Variants in NSUN4 observed in about 807,000 individuals in gnomAD.
The protein encoded by NSUN4 is NOP2/Sun RNA methyltransferase 4.
Under a neutral mutation model 43.8 loss-of-function variants are expected in NSUN4, and 31 were observed. The ratio of observed to expected loss-of-function variants is 0.71; its 90% CI spans 0.53 to 0.96. NSUN4 has a LOEUF of 0.96. NSUN4 is among the 40% of genes least tolerant of loss of function. The pLI, the probability that NSUN4 is intolerant of heterozygous loss-of-function variation, is 0.00. For missense variants in NSUN4, 439 were observed against 475.6 expected (o/e 0.92, Z 0.72); for synonymous variants, 167 against 184.1 (o/e 0.91, Z 0.75).
chr1:46,348,299 C>T (rs188522619), intron 3 of NSUN4, among the ~76,000 whole-genome samples: 104 of 152,326 alleles, frequency 6.8e-4, no homozygotes, highest in African/African-American at 2.5e-3. Context: ...TCCTTACGAC[C>T]TCTGCTGGCC....
intron 4 of NSUN4, among the ~76,000 whole-genome samples, chr1:46,359,765 C>T (rs1053971307): frequency 1.3e-5 from 2 of 151,898 alleles, no homozygotes; most frequent in Admixed American, 6.6e-5. Context: ...CCACCACGCC[C>T]GGCTAATTAA....
At chr1:46,367,369 CATT>C (rs1664160289), downstream of NSUN4, among the ~76,000 whole-genome samples, 1 of 152,224 alleles carries the variant, frequency 6.6e-6, no homozygotes, top group African/African-American at 2.4e-5. Flanking sequence ...TTACTTACAT[CATT>C]GTTTCTTACT....
the NSUN4 span, among the ~76,000 whole-genome samples, chr1:46,373,357 A>C: frequency 6.6e-6 from 1 of 152,162 alleles, no homozygotes; most frequent in African/African-American, 2.4e-5. Flanking sequence ...CCCACTCCTC[A>C]ACACCAATCT....
the NSUN4 span, among the ~76,000 whole-genome samples, chr1:46,378,395 T>A: frequency 6.6e-6 from 1 of 152,030 alleles, no homozygotes; most frequent in Non-Finnish European, 1.5e-5. Context: ...CGAGGTTTCA[T>A]CATGCTGAAC....
At chr1:46,347,539 C>G (rs955486916) in intron 3 of NSUN4, among the ~76,000 whole-genome samples, 6 of 152,230 alleles carry the variant, frequency 3.9e-5, no homozygotes, top group African/African-American at 1.2e-4. Flanking sequence ...ATTAGTTCCT[C>G]TCTTTCTCTG....
intron 4 of NSUN4, among the ~76,000 whole-genome samples, chr1:46,354,747 T>C (rs6682266): frequency 0.22 from 34,033 of 151,912 alleles, 4,286 homozygotes; most frequent in Non-Finnish European, 0.29. Flanking sequence ...CTCCGCCTCC[T>C]GGGTTCAAGC....
chr1:46,347,859 C>T (rs377023358), intron 3 of NSUN4, among the ~76,000 whole-genome samples: 32 of 143,150 alleles, frequency 2.2e-4, no homozygotes, highest in Non-Finnish European at 4.9e-4. Flanking sequence ...TTTTGACTTT[C>T]TTTTTTTTTT....
rs768187823 is a variant in NSUN4 at position 46,347,053 on chromosome 1, G to T, written c.570G>T (p.Ala190=). Residue 190 remains alanine (A), a synonymous_variant, in exon 3 of 6, where the codon GCG becomes GCT. Transcript: ENST00000474844. ...LCAAPGGKTL[A]LLQTGCCRNL... Reference sequence around the variant, plus strand: ...CAGCTCCTGGGGGAAAGACACTAGCGTTGCTTCAGACTGGCTGTTGCCGTA... The same window carrying T: ...CAGCTCCTGGGGGAAAGACACTAGCTTTGCTTCAGACTGGCTGTTGCCGTA... The T allele has an allele frequency of 6.2e-7, 1 of 1,613,934 alleles. No individual in the cohort carries two copies. The highest frequency in any genetic ancestry group is 8.5e-7 in the Non-Finnish European group (1 of 1,179,986).
chr1:46,346,551 CAAA>C (rs10653801), intron 2 of NSUN4, among the ~76,000 whole-genome samples: 2 of 82,596 alleles, frequency 2.4e-5, no homozygotes, highest in Non-Finnish European at 4.4e-5. Flanking sequence ...GACTGTGTCT[CAAA>C]AAAAAAAAAA....
At chr1:46,345,276 G>A (rs370710644) in intron 2 of NSUN4, 132 bp downstream of exon 2, 16 of 666,014 alleles carry the variant, frequency 2.4e-5, no homozygotes, top group African/African-American at 2.2e-4. Context: ...TACAGACTAG[G>A]CATTTTTTTG....
chr1:46,361,445 G>T, intron 5 of NSUN4, 125 bp from the exon 6 acceptor site: 1 of 815,758 alleles, frequency 1.2e-6, no homozygotes, highest in Non-Finnish European at 1.9e-6. Flanking sequence ...AGGGACTTGA[G>T]AGGCAGTCTA....
intron 4 of NSUN4, among the ~76,000 whole-genome samples, chr1:46,354,167 T>G (rs1663204343): frequency 6.6e-6 from 1 of 151,772 alleles, no homozygotes. Flanking sequence ...AGTACAGTGG[T>G]GTGAACACGG....
rs990115746 is a variant in NSUN4, at chr1:46,341,264, C to T, written c.93+345C>T. On this transcript the variant is annotated intron_variant, in intron 1 of 5. Coordinates refer to ENST00000474844, the MANE Select transcript of NSUN4 (RefSeq NM_199044.4). ...CCTTTTACTTCCCTCCCTCCCCTCC[C>T]CCTTTCCCTTGCCCATTCTTCCCCC... 7.8e-6 allele frequency: 8 copies of T among 1,023,756 alleles called. No homozygotes were observed. The Admixed American group carries it at 3.1e-4, about 40-fold the overall frequency. 63.4% of individuals were successfully genotyped at this position (1,023,756 alleles called of 1,614,324 possible). A position where few individuals can be genotyped will look rare whatever the true frequency, so the allele number is the denominator to read the frequency against.
At chr1:46,376,856 C>A in the NSUN4 span, among the ~76,000 whole-genome samples, 2 of 151,890 alleles carry the variant, frequency 1.3e-5, no homozygotes, top group Non-Finnish European at 2.9e-5. Flanking sequence ...CTCACAGATT[C>A]CAGCAATTCT....
At position 46,361,774 on chromosome 1, in the gene NSUN4, G is replaced by A; in HGVS notation, c.1083G>A (p.Gly361=). 1 of 1,614,170 alleles carries A rather than the reference G, an allele frequency of 6.2e-7. No individual in the cohort carries two copies. Among genetic ancestry groups the A allele is most frequent in the Non-Finnish European group, 8.5e-7 (1 of 1,180,028 alleles). The part of the protein sequence containing the change: ...TFCFFSSCQV[G]ELVIPNLMAN... ...GTTTCTTCTCATCCTGTCAGGTTGG[G>A]GAGCTGGTAATACCAAACCTCATGG... Residue 361 remains glycine, a synonymous_variant, in exon 6 of 6, where the codon GGG becomes GGA. Transcript: ENST00000474844.
chr1:46,352,650 T>C (rs1425295420), intron 3 of NSUN4, among the ~76,000 whole-genome samples: 2 of 152,154 alleles, frequency 1.3e-5, no homozygotes, highest in Non-Finnish European at 2.9e-5. Context: ...CTTTATTCAT[T>C]GACTTAAATA....
At chr1:46,378,981 A>G in the NSUN4 span, among the ~76,000 whole-genome samples, 2 of 152,218 alleles carry the variant, frequency 1.3e-5, no homozygotes, top group African/African-American at 4.8e-5. Context: ...TCCTTCCACT[A>G]CTTTCCATTG....
rs1663927604 is a variant in NSUN4 at position 46,362,152 on chromosome 1, A to G, written c.*306A>G. On this transcript the variant is annotated 3_prime_UTR_variant, in exon 6 of 6. Transcript: ENST00000474844. Reference sequence around the variant, plus strand: ...AGCAGGCTCACACTAAGTTGTAAACATAGGAGAAGCATTTGGCCAATAAAG... The same window carrying G: ...AGCAGGCTCACACTAAGTTGTAAACGTAGGAGAAGCATTTGGCCAATAAAG... 1 of 382,488 alleles carries G rather than the reference A, an allele frequency of 2.6e-6. No individual in the cohort carries two copies. The highest frequency in any genetic ancestry group is 4.8e-6 in the Non-Finnish European group (1 of 208,986). 23.7% of individuals were successfully genotyped at this position (382,488 alleles called of 1,614,324 possible).
In NSUN4 at chr1:46,347,034, C is replaced by T. The variant is rs1218847710; in HGVS notation, c.551C>T (p.Pro184Leu). ...GDIVLDLCAA[P>L]GGKTLALLQT... is the part of the protein sequence containing the mutation. ...ATCGTGCTTGACCTATGTGCAGCTC[C>T]TGGGGGAAAGACACTAGCGTTGCTT... Residue 184 changes from proline to leucine, a missense_variant, in exon 3 of 6, where the codon CCT becomes CTT. By Grantham distance (98) the Pro-to-Leu change is moderately conservative. Coordinates refer to ENST00000474844, the MANE Select transcript of NSUN4 (RefSeq NM_199044.4). 3.1e-6 allele frequency: 5 copies of T among 1,614,056 alleles called. No individual in the cohort carries two copies. Among genetic ancestry groups the T allele is most frequent in the Middle Eastern group, 1.6e-4 (1 of 6,084 alleles).
Sources: allele counts gnomAD v4.1 joint callset (sites outside exome capture counted in the v4.1 genomes callset), GRCh38; gene constraint gnomAD v4.1.1; transcripts MANE v1.5; gene names NCBI Gene and HGNC (gene_info 2026-07-23, HGNC 2026-07-21).